Variants in MSI2 observed in about 807,000 individuals in gnomAD.
The protein encoded by MSI2 is musashi RNA binding protein 2, also known as RNA-binding protein Musashi homolog 2.
A neutral mutation model predicts 45.6 loss-of-function variants in MSI2; 17 were observed. The ratio of observed to expected loss-of-function variants is 0.37; its 90% CI spans 0.26 to 0.56. The LOEUF is 0.56. Among genes scored for constraint, MSI2 ranks in the 20% least tolerant of loss-of-function variants. MSI2 has a pLI of 0.77. For synonymous variants in MSI2, 156 were observed against 158.2 expected, an observed-to-expected ratio of 0.99 and a Z score of 0.11; for missense variants, 293 against 444.2, an observed-to-expected ratio of 0.66 and a Z score of 3.06.
intron 6 of MSI2, among the ~76,000 whole-genome samples, chr17:57,469,533 T>A (rs2085393143): frequency 6.6e-6 from 1 of 152,026 alleles, no homozygotes; most frequent in Non-Finnish European, 1.5e-5. Context: ...TGGTTGGAGG[T>A]GAGGAAAGGG....
chr17:57,294,350 G>A (rs1379626393), intron 5 of MSI2, among the ~76,000 whole-genome samples: 1 of 152,150 alleles, frequency 6.6e-6, no homozygotes, highest in East Asian at 1.9e-4. Flanking sequence ...GCAGGGGCAG[G>A]CATATCTCAG....
At chr17:57,321,795 A>C (rs1913364052) in intron 5 of MSI2, among the ~76,000 whole-genome samples, 1 of 152,086 alleles carries the variant, frequency 6.6e-6, no homozygotes, top group Non-Finnish European at 1.5e-5. Context: ...CCATGGATTT[A>C]AACAAATTTT....
intron 6 of MSI2, among the ~76,000 whole-genome samples, chr17:57,466,684 T>C (rs1238011242): frequency 6.6e-6 from 1 of 152,234 alleles, no homozygotes; most frequent in Non-Finnish European, 1.5e-5. Flanking sequence ...TTTCATTTTT[T>C]TTCCCCCAAG....
At chr17:57,413,083 G>A (rs1567809448) in intron 6 of MSI2, among the ~76,000 whole-genome samples, 1 of 152,204 alleles carries the variant, frequency 6.6e-6, no homozygotes, top group Non-Finnish European at 1.5e-5. Context: ...TGGAGACTCA[G>A]GTCCTCTGAG....
rs117881621 is a variant in MSI2 at position 57,291,685 on chromosome 17, C to T, written c.312+29493C>T. Among the ~76,000 whole-genome samples the T allele has an allele frequency of 8.6e-3, 1,316 of 152,224 alleles. 14 individuals are homozygous for T. The highest frequency in any genetic ancestry group is 0.014 in the Non-Finnish European group (933 of 68,024). On this transcript the variant is annotated intron_variant, in intron 5 of 13. Coordinates refer to ENST00000284073, the MANE Select transcript of MSI2 (RefSeq NM_138962.4). ...CACCTGACCTGTTGTCAGCAGGTCC[C>T]GCACTTGAATTGTTTTCTCTACGGT...
intron 6 of MSI2, among the ~76,000 whole-genome samples, chr17:57,454,097 C>G (rs577152924): frequency 6.6e-6 from 1 of 152,330 alleles, no homozygotes; most frequent in South Asian, 2.1e-4. Flanking sequence ...AACAGGCACC[C>G]AAGGGCTAAG....
At chr17:57,583,488 CT>C (rs5821192) in intron 7 of MSI2, among the ~76,000 whole-genome samples, 65,003 of 97,788 alleles carry the variant, frequency 0.66, 18,917 homozygotes, top group East Asian at 0.82. Context: ...CCCAATGTTT[CT>C]TTTTTTTTTT....
At chr17:57,558,415 A>C (rs1264447830) in intron 7 of MSI2, among the ~76,000 whole-genome samples, 5 of 152,078 alleles carry the variant, frequency 3.3e-5, no homozygotes, top group Non-Finnish European at 7.4e-5. Flanking sequence ...TCCTGGAGTA[A>C]GTGAGTGGGG....
At chr17:57,416,112 A>G (rs1298390339) in intron 6 of MSI2, among the ~76,000 whole-genome samples, 2 of 151,548 alleles carry the variant, frequency 1.3e-5, no homozygotes, top group African/African-American at 4.8e-5. Flanking sequence ...TAATACTCTC[A>G]CTATGATAAA....
At chr17:57,338,868 C>G (rs574924141) in intron 5 of MSI2, among the ~76,000 whole-genome samples, 36 of 152,256 alleles carry the variant, frequency 2.4e-4, no homozygotes, top group African/African-American at 8.4e-4. Context: ...CCCTGAGTTC[C>G]CCTTTGTCTT....
intron 10 of MSI2, among the ~76,000 whole-genome samples, chr17:57,635,881 T>C (rs73992126): frequency 6.8e-4 from 103 of 152,370 alleles, no homozygotes; most frequent in African/African-American, 2.4e-3. Flanking sequence ...TGTGGCCGAT[T>C]GCTGTACCAG....
At chr17:57,615,876 TA>T in intron 8 of MSI2, 93 bp from the exon 9 acceptor site, 2 of 972,552 alleles carry the variant, frequency 2.1e-6, no homozygotes, top group Non-Finnish European at 3.2e-6. Flanking sequence ...GGAGCAAGGC[TA>T]AAAATAACTT....
chr17:57,527,227 T>C (rs2086720112), intron 6 of MSI2, among the ~76,000 whole-genome samples: 2 of 150,718 alleles, frequency 1.3e-5, no homozygotes, highest in South Asian at 4.2e-4. Flanking sequence ...AAAACAGATG[T>C]CACATTTACC....
chr17:57,464,120 A>G (rs942691189), intron 6 of MSI2, among the ~76,000 whole-genome samples: 2 of 151,766 alleles, frequency 1.3e-5, no homozygotes, highest in African/African-American at 4.8e-5. Context: ...GAGTTGAGGA[A>G]GGAAGGAAGG....
At chr17:57,352,914 TG>T (rs1329199233) in intron 5 of MSI2, among the ~76,000 whole-genome samples, 1 of 152,148 alleles carries the variant, frequency 6.6e-6, no homozygotes, top group African/African-American at 2.4e-5. Flanking sequence ...AGGATCAGGG[TG>T]TGGAGAGTAG....
chr17:57,676,800 G>A (rs1293884936), intron 12 of MSI2, among the ~76,000 whole-genome samples, 187 bp from the exon 13 acceptor site: 3 of 152,200 alleles, frequency 2.0e-5, no homozygotes, highest in Non-Finnish European at 2.9e-5. Flanking sequence ...GGGGCGGAGG[G>A]AGTGGGGACT....
At chr17:57,357,900 C>G (rs902899778) in intron 5 of MSI2, among the ~76,000 whole-genome samples, 1 of 152,088 alleles carries the variant, frequency 6.6e-6, no homozygotes, top group South Asian at 2.1e-4. Context: ...TTGCCCTTAC[C>G]TTTGACCTTA....
intron 6 of MSI2, among the ~76,000 whole-genome samples, chr17:57,521,312 G>A (rs569846165): frequency 6.6e-6 from 1 of 152,298 alleles, no homozygotes; most frequent in South Asian, 2.1e-4. Flanking sequence ...GGACAAACCA[G>A]TAGGAAAACT....
intron 5 of MSI2, among the ~76,000 whole-genome samples, chr17:57,307,189 A>T (rs545277660): frequency 2.6e-5 from 4 of 152,188 alleles, no homozygotes; most frequent in Non-Finnish European, 4.4e-5. Flanking sequence ...ATGGTGCCCA[A>T]TTGTTTGGTG....
Sources: allele counts gnomAD v4.1 joint callset (sites outside exome capture counted in the v4.1 genomes callset), GRCh38; gene constraint gnomAD v4.1.1; transcripts MANE v1.5; gene names NCBI Gene and HGNC (gene_info 2026-07-23, HGNC 2026-07-21).